Variants in NMBR observed in about 807,000 individuals in gnomAD.
NMBR encodes neuromedin-B receptor.
NMBR carries 16 observed loss-of-function variants against 20.5 expected under a neutral mutation model. That is an observed-to-expected ratio of 0.78 (90% CI 0.53 to 1.19). The LOEUF (loss-of-function observed/expected upper bound fraction) is 1.19, where lower values mean the gene tolerates loss of function less well. Among genes scored for constraint, NMBR ranks in the 50% most tolerant of loss-of-function variants. NMBR has a pLI of 0.00. For synonymous variants in NMBR, 212 were observed against 196.6 expected (o/e 1.08, Z -0.65); for missense variants, 582 against 499.1 (o/e 1.17, Z -1.58).
At chr6:142,081,091 CCCT>C (rs1777084675) in intron 2 of NMBR, among the ~76,000 whole-genome samples, 1 of 152,034 alleles carries the variant, frequency 6.6e-6, no homozygotes, top group Non-Finnish European at 1.5e-5. Context: ...GTGAGAGTCC[CCCT>C]TTTTTACATA....
In NMBR at chr6:142,088,495, GTGA is replaced by G; in HGVS notation, c.161_163del (p.Ile54del). Reference sequence around the variant, plus strand: ...CATGATGTTGCCCAGCAAGCCCACGGTGATGATGAGCAGGTAGAGGGACGGGAT... The same window carrying G: ...CATGATGTTGCCCAGCAAGCCCACGGTGATGAGCAGGTAGAGGGACGGGAT... On this transcript the variant is annotated inframe_deletion, in exon 2 of 4. Coordinates refer to ENST00000258042, the MANE Select transcript of NMBR (RefSeq NM_002511.4). 2 of 1,614,106 alleles carry G rather than the reference GTGA, an allele frequency of 1.2e-6. No homozygotes were observed. The highest frequency in any genetic ancestry group is 1.7e-6 in the Non-Finnish European group (2 of 1,180,024).
chr6:142,079,608 CTT>C (rs2114556043), intron 2 of NMBR, among the ~76,000 whole-genome samples: 1 of 152,252 alleles, frequency 6.6e-6, no homozygotes, highest in South Asian at 2.1e-4. Flanking sequence ...CCCCTTCACT[CTT>C]TTTCTAAGGA....
intron 1 of NMBR, among the ~76,000 whole-genome samples, chr6:142,102,356 C>T (rs1228641944): frequency 6.7e-6 from 1 of 149,108 alleles, no homozygotes; most frequent in Non-Finnish European, 1.5e-5. Flanking sequence ...GGCCACTGCA[C>T]TCCAGCCTGG....
chr6:142,141,132 T>C (rs1369415384), intron 1 of NMBR, among the ~76,000 whole-genome samples: 1 of 152,204 alleles, frequency 6.6e-6, no homozygotes, highest in East Asian at 1.9e-4. Context: ...CAGATGTTCT[T>C]TTCAAGTGTG....
chr6:142,078,490 T>C (rs764545499), intron 3 of NMBR, 65 bp downstream of exon 3: 10 of 919,278 alleles, frequency 1.1e-5, no homozygotes, highest in Non-Finnish European at 1.6e-5. Flanking sequence ...GCCCACAAAA[T>C]AAAACAATAA....
At chr6:142,120,292 T>C (rs1180731793) in intron 1 of NMBR, among the ~76,000 whole-genome samples, 2 of 151,920 alleles carry the variant, frequency 1.3e-5, no homozygotes, top group African/African-American at 4.8e-5. Context: ...ACAAATTGAG[T>C]GAGCCCTGAA....
intron 1 of NMBR, among the ~76,000 whole-genome samples, chr6:142,143,392 C>T (rs553517107): frequency 2.2e-3 from 340 of 152,330 alleles, no homozygotes; most frequent in Non-Finnish European, 4.1e-3. Context: ...TCAAGCGATT[C>T]TCTTGCCTCA....
rs376912685 is a variant in NMBR at position 142,088,291 on chromosome 6, T to C, written c.368A>G (p.Gln123Arg). The C allele has an allele frequency of 3.1e-6, 5 of 1,613,834 alleles. No individual in the cohort carries two copies. Among genetic ancestry groups the C allele is most frequent in the Non-Finnish European group, 3.4e-6 (4 of 1,180,040 alleles). Residue 123 changes from glutamine (Q) to arginine (R), a missense_variant, in exon 2 of 4, where the codon CAG (glutamine) becomes CGG (arginine). Physicochemically the swap from Gln to Arg is conservative, Grantham distance 43. Coordinates refer to ENST00000258042, the MANE Select transcript of NMBR (RefSeq NM_002511.4). ...KVGCKLIPVI[Q>R]LTSVGVSVFT... Reference sequence around the variant, plus strand: ...CACGGAAACCCCCACGGAAGTGAGCTGGATGACAGGGATCAGTTTGCAGCC... The same window carrying C: ...CACGGAAACCCCCACGGAAGTGAGCCGGATGACAGGGATCAGTTTGCAGCC...
intron 2 of NMBR, among the ~76,000 whole-genome samples, chr6:142,081,310 C>T (rs763686896): frequency 1.3e-5 from 2 of 151,998 alleles, no homozygotes; most frequent in Non-Finnish European, 2.9e-5. Context: ...TCATAGCATG[C>T]ATTATAACTA....
intron 1 of NMBR, among the ~76,000 whole-genome samples, chr6:142,103,287 T>A (rs1194704333): frequency 2.0e-5 from 3 of 152,330 alleles, no homozygotes; most frequent in Admixed American, 6.5e-5. Context: ...GCTACTATTA[T>A]AACAACAGCC....
At chr6:142,119,151 G>T (rs1777902105) in intron 1 of NMBR, among the ~76,000 whole-genome samples, 1 of 151,976 alleles carries the variant, frequency 6.6e-6, no homozygotes, top group South Asian at 2.1e-4. Flanking sequence ...TCAGCCTCTA[G>T]GAAATGACAT....
chr6:142,137,257 A>G (rs1237020608), intron 1 of NMBR, among the ~76,000 whole-genome samples: 2 of 152,146 alleles, frequency 1.3e-5, no homozygotes, highest in Non-Finnish European at 2.9e-5. Flanking sequence ...CTTTGAAGCA[A>G]TTGTGAATGG....
At chr6:142,135,967 T>C (rs1778247694) in intron 1 of NMBR, among the ~76,000 whole-genome samples, 2 of 152,270 alleles carry the variant, frequency 1.3e-5, no homozygotes, top group Admixed American at 1.3e-4. Flanking sequence ...CGTGTGCATG[T>C]GTCTTTATAG....
intron 2 of NMBR, among the ~76,000 whole-genome samples, chr6:142,087,044 C>G (rs1011340440): frequency 6.6e-6 from 1 of 152,094 alleles, no homozygotes; most frequent in Non-Finnish European, 1.5e-5. Flanking sequence ...GCCACATAAA[C>G]AAAATTAGGT....
intron 1 of NMBR, among the ~76,000 whole-genome samples, chr6:142,093,183 G>C (rs1263556667): frequency 1.3e-5 from 2 of 151,562 alleles, no homozygotes; most frequent in African/African-American, 4.9e-5. Flanking sequence ...TTAAGTTTTA[G>C]GGTACATGTG....
chr6:142,138,770 G>T (rs1314343140), intron 1 of NMBR, among the ~76,000 whole-genome samples: 1 of 152,064 alleles, frequency 6.6e-6, no homozygotes, highest in African/African-American at 2.4e-5. Context: ...TGCAAGGCTG[G>T]TACTTTTTTA....
intron 1 of NMBR, among the ~76,000 whole-genome samples, chr6:142,139,281 C>G (rs1231908304): frequency 6.6e-6 from 1 of 152,164 alleles, no homozygotes; most frequent in Admixed American, 6.5e-5. Context: ...TGGATTTATT[C>G]TTACTCTGAT....
rs147317413 is a variant in NMBR at position 142,078,599 on chromosome 6, C to T, written c.727G>A (p.Ala243Thr). 286 of 1,609,766 alleles carry T rather than the reference C, an allele frequency of 1.8e-4. No individual in the cohort carries two copies. The highest frequency in any genetic ancestry group is 3.3e-4 in the African/African-American group (25 of 74,888). Residue 243 changes from alanine (A) to threonine (T), a missense_variant, in exon 3 of 4, where the codon GCA becomes ACA. Physicochemically the swap from Ala to Thr is moderately conservative, Grantham distance 58. Transcript: ENST00000258042. The part of the protein sequence containing the change: ...YHIAKTLIKS[A>T]HNLPGEYNEH... The stretch of plus-strand genomic sequence containing the variant: ...TTGTATTCTCCAGGAAGATTGTGTG[C>T]GCTTTTAATTAAGGTCTTTGCAATA...
At position 142,109,231 on chromosome 6, in the gene NMBR, A is replaced by G. The variant is rs768025368; in HGVS notation, c.-663-19910T>C. 9.5e-4 allele frequency among the ~76,000 whole-genome samples: 145 copies of G among 152,036 alleles called. 3 individuals are homozygous for G. The highest frequency in any genetic ancestry group is 5.7e-4 in the Non-Finnish European group (39 of 68,000). ...TGGAGGAGAGTGGCCCCCTTCTCAT[A>G]GTTCCATTAAGCAATACCCCACCGG... On this transcript the variant is annotated intron_variant, in intron 1 of 3. Transcript: ENST00000258042.
Sources: gnomAD v4.1 joint callset for allele counts (sites outside exome capture counted in the v4.1 genomes callset) on GRCh38, gnomAD v4.1.1 for gene constraint, MANE v1.5 for transcripts, NCBI Gene and HGNC (gene_info 2026-07-23, HGNC 2026-07-21) for gene names.